The following CRHR2 variants were observed in gnomAD, a reference collection of about 807,000 sequenced individuals.
The protein encoded by CRHR2 is corticotropin-releasing hormone receptor 2.
CRHR2 carries 53 observed loss-of-function variants against 57.9 expected under a neutral mutation model. The observed-to-expected ratio is 0.92, with a 90% confidence interval of 0.73 to 1.15. CRHR2 has a LOEUF of 1.15. Ranked by LOEUF, CRHR2 falls within the 50% of genes most tolerant of loss-of-function variation. The pLI is 0.00. For synonymous variants in CRHR2, 213 were observed against 220.9 expected (o/e 0.96, Z 0.32); for missense variants, 532 against 542.6 (o/e 0.98, Z 0.19).
chr7:30,660,726 G>A (rs1783968067), intron 7 of CRHR2, 81 bp from the exon 8 acceptor site: 1 of 1,357,810 alleles, frequency 7.4e-7, no homozygotes, highest in Non-Finnish European at 1.0e-6. Context: ...GGGTCCTCCA[G>A]CTTTACCCTT....
rs564360885 is a variant in CRHR2 at position 30,660,722 on chromosome 7, T to C, written c.759-77A>G. Reference sequence around the variant, plus strand: ...CCCCACAGACTTGGGCCCAGGGTCCTCCAGCTTTACCCTTCCTGAGACCCA... The same window carrying C: ...CCCCACAGACTTGGGCCCAGGGTCCCCCAGCTTTACCCTTCCTGAGACCCA... On this transcript the variant is annotated intron_variant, in intron 7 of 11. Transcript: ENST00000471646. The C allele has an allele frequency of 1.1e-5, 15 of 1,408,258 alleles. No homozygotes were observed. In the Admixed American group the frequency reaches 2.8e-4, roughly 26 times the overall value. The allele number at this position is 1,408,258 out of a possible 1,614,324, so 87.2% of individuals were successfully genotyped here.
At chr7:30,670,968 C>T (rs1784334883) in intron 2 of CRHR2, among the ~76,000 whole-genome samples, 1 of 152,212 alleles carries the variant, frequency 6.6e-6, no homozygotes, top group African/African-American at 2.4e-5. Context: ...GCCAAAAACC[C>T]CCATTACAAT....
intron 1 of CRHR2, among the ~76,000 whole-genome samples, chr7:30,698,406 C>T (rs1296285752): frequency 6.6e-6 from 1 of 152,080 alleles, no homozygotes; most frequent in South Asian, 2.1e-4. Flanking sequence ...GCAGCATGGA[C>T]CCCAGAGGGA....
chr7:30,678,474 T>C (rs1286975307), intron 2 of CRHR2, among the ~76,000 whole-genome samples: 1 of 152,162 alleles, frequency 6.6e-6, no homozygotes, highest in Non-Finnish European at 1.5e-5. Flanking sequence ...CTGACTAACA[T>C]GTGTGGCCAT....
In CRHR2 at chr7:30,652,103, A is replaced by G. The variant is rs1783612828; in HGVS notation, c.*1357T>C. The G allele has an allele frequency of 6.6e-6, 1 of 152,210 alleles. No individual in the cohort carries two copies. The highest frequency in any genetic ancestry group is 6.5e-5 in the Admixed American group (1 of 15,282). The allele number at this position is 152,210 out of a possible 1,614,324, so 9.4% of individuals were successfully genotyped here. A position where few individuals can be genotyped will look rare whatever the true frequency, so the allele number is the denominator to read the frequency against. ...ATGATTTTTCAAAACTTATTTTTGT[A>G]GGGGGTACCTAGAGCATTGGTTTCT... On this transcript the variant is annotated 3_prime_UTR_variant, in exon 12 of 12. Transcript: ENST00000471646. The surrounding 1 kb of genome is among the most constrained non-coding windows in gnomAD (Gnocchi z 4.4).
At chr7:30,686,633 A>C (rs1784863020), upstream of CRHR2, 1 of 908,608 alleles carries the variant, frequency 1.1e-6, no homozygotes, top group African/African-American at 1.7e-5. Context: ...AAATAATAAA[A>C]AATAAATAAA....
chr7:30,682,199 C>T lies in CRHR2; in HGVS notation c.82G>A (p.Gly28Arg). ...CTACCCTCGGGGTCCAGGGGTGGCC[C>T]CCAGCCGTCCAAGAGCAGCTCTTCA... ...LAEELLLDGW[G>R]PPLDPEGPYS... Residue 28 changes from glycine (G) to arginine (R), a missense_variant, in exon 1 of 12, where the codon GGG becomes AGG. By Grantham distance (125) the Gly-to-Arg change is moderately radical. Coordinates refer to ENST00000471646, the MANE Select transcript of CRHR2 (RefSeq NM_001883.5). 1 of 1,586,886 alleles carries T rather than the reference C, an allele frequency of 6.3e-7. No homozygotes were observed. The highest frequency in any genetic ancestry group is 8.5e-7 in the Non-Finnish European group (1 of 1,174,658).
upstream of CRHR2, chr7:30,682,483 G>T (rs542028960): frequency 4.5e-6 from 6 of 1,322,780 alleles, 1 homozygote; most frequent in African/African-American, 3.1e-5. Flanking sequence ...AGGAGCCGCC[G>T]AGTGCACGGA....
chr7:30,654,651 C>T (rs757908975), intron 11 of CRHR2: 317 of 1,523,624 alleles, frequency 2.1e-4, no homozygotes, highest in South Asian at 2.5e-4. Context: ...TGGCAGGTAG[C>T]GGGGGAATGT....
intron 2 of CRHR2, among the ~76,000 whole-genome samples, chr7:30,672,199 T>G (rs1784384463): frequency 2.6e-5 from 4 of 152,176 alleles, no homozygotes; most frequent in East Asian, 1.9e-4. Context: ...CAGCCCCAGC[T>G]CCTCCAGGTA....
Position 30,680,178 on chromosome 7 carries a change from C to T in CRHR2, c.229+1737G>A, listed in dbSNP as rs148158871. 3.2e-3 allele frequency among the ~76,000 whole-genome samples: 482 copies of T among 151,966 alleles called. 2 individuals carry two copies. Among genetic ancestry groups the T allele is most frequent in the African/African-American group, 0.011 (457 of 41,452 alleles). ...ACACCCCAATCCCATAGACCTTGTGCTTCCCCCCTAATTAGGGCATTCATC... is the reference window on the plus strand; with the variant it reads ...ACACCCCAATCCCATAGACCTTGTGTTTCCCCCCTAATTAGGGCATTCATC... On this transcript the variant is annotated intron_variant, in intron 2 of 11. Coordinates refer to ENST00000471646, the MANE Select transcript of CRHR2 (RefSeq NM_001883.5).
At chr7:30,677,912 A>G (rs1012678103) in intron 2 of CRHR2, among the ~76,000 whole-genome samples, 9 of 152,368 alleles carry the variant, frequency 5.9e-5, no homozygotes, top group African/African-American at 1.9e-4. Context: ...TCTACAAAAA[A>G]TTTAAAAATT....
chr7:30,680,913 T>C (rs1784680716), intron 2 of CRHR2, among the ~76,000 whole-genome samples: 1 of 151,654 alleles, frequency 6.6e-6, no homozygotes, highest in Admixed American at 6.6e-5. Flanking sequence ...TGAGGATGTT[T>C]CCAGGATGAG....
At position 30,682,028 on chromosome 7, in the gene CRHR2, T is replaced by G; in HGVS notation, c.116A>C (p.Tyr39Ser). The G allele has an allele frequency of 1.3e-6, 2 of 1,593,094 alleles. No homozygotes were observed. The highest frequency in any genetic ancestry group is 1.7e-6 in the Non-Finnish European group (2 of 1,170,290). The change falls in exon 2 of 12, where the codon TAC becomes TCC. Residue 39 changes from tyrosine (Y) to serine (S), a missense_variant. By Grantham distance (144) the Tyr-to-Ser change is moderately radical. Transcript: ENST00000471646. ...GATCTGGTCCAAGGTCGTGTTGCAG[T>G]AGGAGTAGGGACCTGGCGGCGGGAG... ...PPLDPEGPYS[Y>S]CNTTLDQIGT...
chr7:30,688,858 A>G (rs562196169), intron 2 of CRHR2: 28 of 484,936 alleles, frequency 5.8e-5, no homozygotes, highest in Non-Finnish European at 1.1e-4. Flanking sequence ...AATGTTTACC[A>G]CCTTCTGCCA....
chr7:30,680,816 G>A (rs1784673006), intron 2 of CRHR2, among the ~76,000 whole-genome samples: 1 of 106,896 alleles, frequency 9.4e-6, no homozygotes, highest in Non-Finnish European at 2.0e-5. Flanking sequence ...GCTTCTGAAA[G>A]CTTGTGTGTG....
rs1159292207 is a variant in CRHR2, at chr7:30,665,587, C to T, written c.368G>A (p.Gly123Asp). 1 of 1,564,478 alleles carries T rather than the reference C, an allele frequency of 6.4e-7. No homozygotes were observed. Among genetic ancestry groups the T allele is most frequent in the Admixed American group, 1.9e-5 (1 of 53,456 alleles). Residue 123 changes from glycine to aspartate, a missense_variant, in exon 4 of 12, where the codon GGC becomes GAC. Coordinates refer to ENST00000471646, the MANE Select transcript of CRHR2 (RefSeq NM_001883.5). The surrounding 1 kb of genome is among the most constrained non-coding windows in gnomAD (Gnocchi z 4.5). ...CAGGGCTGCCACAGATACGCAGTGGCCCAGGTAGTTGACGACAAGGGCGAT... is the reference window on the plus strand; with the variant it reads ...CAGGGCTGCCACAGATACGCAGTGGTCCAGGTAGTTGACGACAAGGGCGAT... ...YRIALVVNYL[G>D]HCVSVAALVA...
intron 3 of CRHR2, among the ~76,000 whole-genome samples, chr7:30,666,161 G>A (rs903081992): frequency 6.6e-6 from 1 of 152,018 alleles, no homozygotes; most frequent in Non-Finnish European, 1.5e-5. Flanking sequence ...AGGGTGAGTC[G>A]ATTTTTATTT....
chr7:30,691,400 G>A (rs1784959218), intron 1 of CRHR2, among the ~76,000 whole-genome samples: 1 of 152,224 alleles, frequency 6.6e-6, no homozygotes, highest in Admixed American at 6.5e-5. Context: ...CCTGAGCTGT[G>A]ACATTTGTAG....
Sources: gnomAD v4.1 joint callset for allele counts (sites outside exome capture counted in the v4.1 genomes callset) on GRCh38, gnomAD v4.1.1 for gene constraint, Gnocchi (gnomAD v3.1) non-coding constraint, MANE v1.5 for transcripts, NCBI Gene and HGNC (gene_info 2026-07-23, HGNC 2026-07-21) for gene names.